The following ITPR2 variants were observed in gnomAD, a reference collection of about 807,000 sequenced individuals.
The protein encoded by ITPR2 is inositol 1,4,5-trisphosphate-gated calcium channel ITPR2.
ITPR2 carries 207 observed loss-of-function variants against 317.1 expected under a neutral mutation model. The ratio of observed to expected loss-of-function variants is 0.65; its 90% confidence interval spans 0.58 to 0.73. The LOEUF is 0.73. Ranked by LOEUF, ITPR2 falls within the 30% of genes least tolerant of loss-of-function variation. The pLI is 0.00. For missense variants in ITPR2, 2,613 were observed against 3,284.0 expected (o/e 0.80, Z 4.99); for synonymous variants, 1,156 against 1,149.1 (o/e 1.01, Z -0.12).
intron 2 of ITPR2, among the ~76,000 whole-genome samples, chr12:26,766,209 T>G (rs1949717180): frequency 6.6e-6 from 1 of 152,198 alleles, no homozygotes; most frequent in African/African-American, 2.4e-5. Context: ...CAGATTGTTT[T>G]TCAAGGTCCT....
intron 37 of ITPR2, among the ~76,000 whole-genome samples, chr12:26,523,522 C>CTTT (rs564468146): frequency 3.0e-4 from 41 of 138,044 alleles, no homozygotes; most frequent in African/African-American, 3.9e-4. Flanking sequence ...ATGGCAAAAT[C>CTTT]TTTTTTTTTT....
In ITPR2 at chr12:26,394,348, T is replaced by C. The variant is rs189534299; in HGVS notation, c.7696+4528A>G. Among the ~76,000 whole-genome samples, 19 of 152,314 alleles carry C rather than the reference T, an allele frequency of 1.2e-4. No homozygotes were observed. In the East Asian group the frequency reaches 3.3e-3, roughly 26 times the overall value. On this transcript the variant is annotated intron_variant, in intron 54 of 56. Transcript: ENST00000381340. ...CAACAGAAATATGTACAGTGCTATATAGCTAAGTGTGATGTGAGGAATTTA... is the reference window on the plus strand; with the variant it reads ...CAACAGAAATATGTACAGTGCTATACAGCTAAGTGTGATGTGAGGAATTTA...
chr12:26,405,693 C>T (rs921301104), intron 52 of ITPR2, among the ~76,000 whole-genome samples: 4 of 152,170 alleles, frequency 2.6e-5, no homozygotes, highest in African/African-American at 7.2e-5. Flanking sequence ...CACTGAGACA[C>T]GTTTGAAAGT....
At position 26,595,607 on chromosome 12, in the gene ITPR2, T is replaced by C. The variant is rs927017376; in HGVS notation, c.4255-17A>G. 1.3e-6 allele frequency: 2 copies of C among 1,530,616 alleles called. No homozygotes were observed. Among genetic ancestry groups the C allele is most frequent in the Non-Finnish European group, 1.7e-6 (2 of 1,146,734 alleles). The allele number at this position is 1,530,616 out of a possible 1,614,324, so 94.8% of individuals were successfully genotyped here. A position where few individuals can be genotyped will look rare whatever the true frequency, so the allele number is the denominator to read the frequency against. On this transcript the variant is annotated splice_polypyrimidine_tract_variant and intron_variant, in intron 31 of 56. Coordinates refer to ENST00000381340, the MANE Select transcript of ITPR2 (RefSeq NM_002223.4). ...AATTTTAACCTGTGCAAGTTTCAAA[T>C]ACAAAAGAAAGTTAGTTTTCTTTAT... is the stretch of plus-strand genomic sequence containing the variant.
At chr12:26,586,763 A>T (rs1464915930) in intron 32 of ITPR2, among the ~76,000 whole-genome samples, 1 of 152,172 alleles carries the variant, frequency 6.6e-6, no homozygotes. Context: ...AAAATATATA[A>T]AAACCACTAT....
At chr12:26,611,185 C>T (rs931981005) in intron 26 of ITPR2, among the ~76,000 whole-genome samples, 4 of 152,210 alleles carry the variant, frequency 2.6e-5, no homozygotes, top group Admixed American at 2.0e-4. Context: ...GCCACGGGTC[C>T]TATGAGAAGC....
chr12:26,616,814 C>T (rs1009098875), intron 26 of ITPR2, among the ~76,000 whole-genome samples: 1 of 152,138 alleles, frequency 6.6e-6, no homozygotes, highest in African/African-American at 2.4e-5. Flanking sequence ...GCAAGACCAA[C>T]CCTCCCTCTT....
intron 24 of ITPR2, among the ~76,000 whole-genome samples, chr12:26,622,940 G>C (rs140416581): frequency 1.3e-5 from 2 of 152,144 alleles, no homozygotes; most frequent in Admixed American, 1.3e-4. Context: ...TCATATACTG[G>C]TTCATTTCTC....
chr12:26,656,255 T>C, intron 19 of ITPR2, 42 bp downstream of exon 19: 1 of 1,606,088 alleles, frequency 6.2e-7, no homozygotes. Flanking sequence ...GTGGAGTTCA[T>C]CTGATGAATT....
intron 45 of ITPR2, 112 bp from the exon 46 acceptor site, chr12:26,443,762 G>A: frequency 1.5e-6 from 1 of 665,796 alleles, no homozygotes; most frequent in Non-Finnish European, 2.6e-6. Flanking sequence ...CTAGGGTTAA[G>A]GACAATTAGT....
At chr12:26,812,209 A>C (rs1950764020) in intron 1 of ITPR2, among the ~76,000 whole-genome samples, 1 of 151,650 alleles carries the variant, frequency 6.6e-6, no homozygotes, top group Non-Finnish European at 1.5e-5. Flanking sequence ...ATCCGTTGGC[A>C]CTAAAATGTG....
chr12:26,762,650 A>C (rs1350414237), intron 2 of ITPR2, among the ~76,000 whole-genome samples: 2 of 152,240 alleles, frequency 1.3e-5, no homozygotes, highest in Non-Finnish European at 2.9e-5. Flanking sequence ...TTTAAAGGTA[A>C]GATTATAGTC....
intron 32 of ITPR2, among the ~76,000 whole-genome samples, chr12:26,586,289 C>A (rs1313582618): frequency 6.6e-6 from 1 of 151,944 alleles, no homozygotes; most frequent in African/African-American, 2.4e-5. Context: ...GGACTACAGG[C>A]ATATACCACC....
chr12:26,379,766 A>G (rs1349797133), intron 55 of ITPR2, among the ~76,000 whole-genome samples: 1 of 152,206 alleles, frequency 6.6e-6, no homozygotes, highest in Non-Finnish European at 1.5e-5. Flanking sequence ...GGCCCATTAT[A>G]CATATTTTAT....
intron 39 of ITPR2, among the ~76,000 whole-genome samples, chr12:26,490,129 GC>G (rs1420001674): frequency 1.3e-5 from 2 of 152,118 alleles, no homozygotes; most frequent in Middle Eastern, 3.2e-3. Flanking sequence ...TTGTTGAATG[GC>G]TATAAAGCAC....
intron 48 of ITPR2, among the ~76,000 whole-genome samples, chr12:26,429,662 C>G (rs1336289833): frequency 6.6e-6 from 1 of 152,182 alleles, no homozygotes; most frequent in African/African-American, 2.4e-5. Flanking sequence ...TATCGCCATG[C>G]CTGTTACACA....
chr12:26,338,708 C>G lies in ITPR2; in HGVS notation c.*689G>C, dbSNP rs1266773453. Reference sequence around the variant, plus strand: ...TTTTTAACAAGTTATATGAAAATCTCCTTTTGTGCTCCACATTGACAGAGC... The same window carrying G: ...TTTTTAACAAGTTATATGAAAATCTGCTTTTGTGCTCCACATTGACAGAGC... On this transcript the variant is annotated 3_prime_UTR_variant, in exon 57 of 57. Coordinates refer to ENST00000381340, the MANE Select transcript of ITPR2 (RefSeq NM_002223.4). The G allele has an allele frequency of 6.6e-6, 1 of 152,160 alleles. No homozygotes were observed. The highest frequency in any genetic ancestry group is 1.5e-5 in the Non-Finnish European group (1 of 68,026). The allele number at this position is 152,160 out of a possible 1,614,324, so 9.4% of individuals were successfully genotyped here. A position where few individuals can be genotyped will look rare whatever the true frequency, so the allele number is the denominator to read the frequency against.
intron 37 of ITPR2, among the ~76,000 whole-genome samples, chr12:26,499,498 T>A (rs1375075440): frequency 6.6e-6 from 1 of 152,228 alleles, no homozygotes; most frequent in Non-Finnish European, 1.5e-5. Flanking sequence ...AATTGTCAAA[T>A]GAAATTGTTA....
chr12:26,760,233 T>C (rs887817063), intron 2 of ITPR2, among the ~76,000 whole-genome samples: 1 of 152,372 alleles, frequency 6.6e-6, no homozygotes, highest in Admixed American at 6.5e-5. Context: ...AATTCATAGA[T>C]GTAGAACCTA....
Sources: gnomAD v4.1 joint callset for allele counts (sites outside exome capture counted in the v4.1 genomes callset) on GRCh38, gnomAD v4.1.1 for gene constraint, MANE v1.5 for transcripts, NCBI Gene and HGNC (gene_info 2026-07-23, HGNC 2026-07-21) for gene names.